MAP3K4: variants seen among roughly 807,000 people sequenced by gnomAD.
MAP3K4 encodes the protein mitogen-activated protein kinase kinase kinase 4.
Under a neutral mutation model 185.6 loss-of-function variants are expected in MAP3K4, and 67 were observed. That is an observed-to-expected ratio of 0.36 (90% CI 0.30 to 0.44). The LOEUF is 0.44. Among genes scored for constraint, MAP3K4 ranks in the 20% least tolerant of loss-of-function variants. The probability of loss-of-function intolerance (pLI) is 1.00; values close to 1 mark genes in which losing one functional copy is unlikely to be tolerated. For synonymous variants in MAP3K4, 702 were observed against 710.4 expected (o/e 0.99, Z 0.19); for missense variants, 1,551 against 1,995.1 (o/e 0.78, Z 4.24).
intron 1 of MAP3K4, among the ~76,000 whole-genome samples, chr6:161,015,823 A>G (rs1476451041): frequency 1.3e-5 from 2 of 152,182 alleles, no homozygotes; most frequent in Admixed American, 1.3e-4. Flanking sequence ...GTCTGCCTCC[A>G]TGACACCAGA....
At position 161,037,605 on chromosome 6, in the gene MAP3K4, A is replaced by G. The variant is rs1333481072; in HGVS notation, c.343+3156A>G. ...GACTAATTTTGTATTTTTGGTAGAGACGATGTTTCGCTATGTTGGCCAGGC... is the reference window on the plus strand; with the variant it reads ...GACTAATTTTGTATTTTTGGTAGAGGCGATGTTTCGCTATGTTGGCCAGGC... On this transcript the variant is annotated intron_variant, in intron 2 of 26. Coordinates refer to ENST00000392142, the MANE Select transcript of MAP3K4 (RefSeq NM_005922.4). This position sits in a 1 kb window ranked among gnomAD's most constrained non-coding sequence, Gnocchi z 4.2. 6.6e-6 allele frequency among the ~76,000 whole-genome samples: 1 copy of G among 151,980 alleles called. No individual in the cohort carries two copies. Among genetic ancestry groups the G allele is most frequent in the Non-Finnish European group, 1.5e-5 (1 of 68,006 alleles).
At position 161,077,636 on chromosome 6, in the gene MAP3K4, G is replaced by T. The variant is rs576475124; in HGVS notation, c.2098-3245G>T. Among the ~76,000 whole-genome samples, 1 of 152,156 alleles carries T rather than the reference G, an allele frequency of 6.6e-6. No homozygotes were observed. ...TGCACATGCAAGTCCTTGGATTAGAGGGGGTAACATACATTCAGAAAGAAG... is the reference window on the plus strand; with the variant it reads ...TGCACATGCAAGTCCTTGGATTAGATGGGGTAACATACATTCAGAAAGAAG... On this transcript the variant is annotated intron_variant, in intron 5 of 26. Transcript: ENST00000392142. This position sits in a 1 kb window ranked among gnomAD's most constrained non-coding sequence, Gnocchi z 4.3.
In MAP3K4 at chr6:161,106,376, T is replaced by G; in HGVS notation, c.3857-138T>G. 1.7e-6 allele frequency: 1 copy of G among 585,472 alleles called. No individual in the cohort carries two copies. The highest frequency in any genetic ancestry group is 3.0e-6 in the Non-Finnish European group (1 of 336,968). 36.3% of individuals were successfully genotyped at this position (585,472 alleles called of 1,614,324 possible). A position where few individuals can be genotyped will look rare whatever the true frequency, so the allele number is the denominator to read the frequency against. On this transcript the variant is annotated intron_variant, in intron 19 of 26. Transcript: ENST00000392142. This position sits in a 1 kb window ranked among gnomAD's most constrained non-coding sequence, Gnocchi z 4.9. The stretch of plus-strand genomic sequence containing the variant: ...AGCGTTTGAAGAACTTTAATTCACC[T>G]GCTGTTTATCTGAATAGATAATAAG...
chr6:161,111,823 CT>C lies in MAP3K4; in HGVS notation c.4397-9del, dbSNP rs35961625. 0.88 allele frequency: 1,411,886 copies of C among 1,612,760 alleles called. 618,975 individuals are homozygous for C. The highest frequency in any genetic ancestry group is 0.99 in the East Asian group (44,510 of 44,852). On this transcript the variant is annotated splice_polypyrimidine_tract_variant and intron_variant, in intron 23 of 26. Coordinates refer to ENST00000392142, the MANE Select transcript of MAP3K4 (RefSeq NM_005922.4). ...TTCAGAGGCTGCGTAACAACTACTT[CT>C]TTTCTTTTTAGGTGCCAATATCTTC...
chr6:161,044,527 C>G (rs2114748450), intron 2 of MAP3K4, among the ~76,000 whole-genome samples: 1 of 152,284 alleles, frequency 6.6e-6, no homozygotes, highest in Non-Finnish European at 1.5e-5. Flanking sequence ...TACCCCCGCA[C>G]CCAACACCCT....
chr6:161,087,884 G>T lies in MAP3K4; in HGVS notation c.2753G>T (p.Gly918Val), dbSNP rs1409625852. The T allele has an allele frequency of 6.2e-7, 1 of 1,614,138 alleles. No homozygotes were observed. Among genetic ancestry groups the T allele is most frequent in the South Asian group, 1.1e-5 (1 of 91,080 alleles). ...GCCCGTGATTCAGAGGACAGCTGGG[G>T]CACCTGGGAGGCACAGCCTGTCAAA... is the stretch of plus-strand genomic sequence containing the variant. The part of the protein sequence containing the change: ...DRARDSEDSW[G>V]TWEAQPVKVV... The change falls in exon 10 of 27, where the codon GGC (glycine) becomes GTC (valine). Residue 918 changes from glycine to valine, a missense_variant. This residue lies in a region of MAP3K4 where 261 missense variants were observed against 306.5 expected (regional missense o/e 0.85). Transcript: ENST00000392142. This position sits in a 1 kb window ranked among gnomAD's most constrained non-coding sequence, Gnocchi z 4.9.
At chr6:161,035,453 C>T (rs1324449663) in intron 2 of MAP3K4, among the ~76,000 whole-genome samples, 1 of 152,128 alleles carries the variant, frequency 6.6e-6, no homozygotes, top group East Asian at 1.9e-4. Flanking sequence ...AGCCCTTCCT[C>T]AAGAGAGCAG....
chr6:161,078,503 G>T (rs1489999743), intron 5 of MAP3K4, among the ~76,000 whole-genome samples: 3 of 152,230 alleles, frequency 2.0e-5, no homozygotes, highest in Non-Finnish European at 4.4e-5. Flanking sequence ...AGTGGACTGG[G>T]TTCCAGACAG....
chr6:161,034,571 A>AT lies in MAP3K4; in HGVS notation c.343+122_343+123insT. On this transcript the variant is annotated intron_variant, in intron 2 of 26. Coordinates refer to ENST00000392142, the MANE Select transcript of MAP3K4 (RefSeq NM_005922.4). The surrounding 1 kb of genome is among the most constrained non-coding windows in gnomAD (Gnocchi z 4.4). ...TGATTTTAATGCTCCTGTAAAGTTC[A>AT]ATTTTTTTTTGAATTATTACCATTA... 24 of 674,346 alleles carry AT rather than the reference A, an allele frequency of 3.6e-5. No homozygotes were observed. Among genetic ancestry groups the AT allele is most frequent in the South Asian group, 5.2e-5 (2 of 38,654 alleles). 41.8% of individuals were successfully genotyped at this position (674,346 alleles called of 1,614,324 possible). A position where few individuals can be genotyped will look rare whatever the true frequency, so the allele number is the denominator to read the frequency against.
At position 161,103,795 on chromosome 6, in the gene MAP3K4, T is replaced by C. The variant is rs529023197; in HGVS notation, c.3856+1016T>C. Among the ~76,000 whole-genome samples the C allele has an allele frequency of 1.3e-5, 2 of 152,200 alleles. No individual in the cohort carries two copies. The highest frequency in any genetic ancestry group is 6.5e-5 in the Admixed American group (1 of 15,284). On this transcript the variant is annotated intron_variant, in intron 19 of 26. Coordinates refer to ENST00000392142, the MANE Select transcript of MAP3K4 (RefSeq NM_005922.4). This position sits in a 1 kb window ranked among gnomAD's most constrained non-coding sequence, Gnocchi z 4.6. ...AGTGGGCAGATTGGTTAAAATGCCA[T>C]TGCAGAAATTCAGTATAAATAATAC... is the stretch of plus-strand genomic sequence containing the variant.
intron 4 of MAP3K4, among the ~76,000 whole-genome samples, chr6:161,072,518 A>G (rs1357914194): frequency 3.9e-5 from 6 of 152,182 alleles, no homozygotes; most frequent in South Asian, 2.1e-4. Flanking sequence ...GCACATCACA[A>G]TTTATTTGGT....
At chr6:161,042,327 A>G (rs780878372) in intron 2 of MAP3K4, among the ~76,000 whole-genome samples, 2 of 152,140 alleles carry the variant, frequency 1.3e-5, no homozygotes, top group Admixed American at 1.3e-4. Context: ...ATGATAGTTT[A>G]AAAAAAGGCA....
In MAP3K4 at chr6:161,098,138, C is replaced by G. The variant is rs1777653203; in HGVS notation, c.3525-140C>G. 1 of 1,056,096 alleles carries G rather than the reference C, an allele frequency of 9.5e-7. No homozygotes were observed. Among genetic ancestry groups the G allele is most frequent in the South Asian group, 1.6e-5 (1 of 61,812 alleles). 65.4% of individuals were successfully genotyped at this position (1,056,096 alleles called of 1,614,324 possible). On this transcript the variant is annotated intron_variant, in intron 16 of 26. Coordinates refer to ENST00000392142, the MANE Select transcript of MAP3K4 (RefSeq NM_005922.4). The surrounding 1 kb of genome is among the most constrained non-coding windows in gnomAD (Gnocchi z 4.4). Reference sequence around the variant, plus strand: ...GTTTTTTCTTTTTTACACCTAGACTCAAATCTCAAAGAACAATTTGCATTT... The same window carrying G: ...GTTTTTTCTTTTTTACACCTAGACTGAAATCTCAAAGAACAATTTGCATTT...
intron 1 of MAP3K4, among the ~76,000 whole-genome samples, chr6:161,030,228 C>T (rs1262053625): frequency 1.3e-5 from 2 of 151,948 alleles, no homozygotes; most frequent in African/African-American, 2.4e-5. Flanking sequence ...TTTATTTCTC[C>T]CAATCTTTTT....
intron 1 of MAP3K4, among the ~76,000 whole-genome samples, chr6:160,997,038 C>G (rs1299881780): frequency 6.6e-6 from 1 of 152,114 alleles, no homozygotes; most frequent in African/African-American, 2.4e-5. Context: ...ACAAACTTTC[C>G]TAAATTGTTT....
intron 1 of MAP3K4, among the ~76,000 whole-genome samples, chr6:161,009,629 C>T (rs1021967809): frequency 2.0e-5 from 3 of 152,196 alleles, no homozygotes; most frequent in African/African-American, 7.2e-5. Context: ...CTTCATTTAT[C>T]CATTCATCCA....
At position 161,098,475 on chromosome 6, in the gene MAP3K4, C is replaced by G. The variant is rs747424617; in HGVS notation, c.3674+48C>G. The G allele has an allele frequency of 1.3e-6, 2 of 1,570,874 alleles. No individual in the cohort carries two copies. The highest frequency in any genetic ancestry group is 2.7e-5 in the African/African-American group (2 of 73,842). The stretch of plus-strand genomic sequence containing the variant: ...CCGTACCCTCACCACCCCTTACATG[C>G]GCTTACACAGCAACCATAGTGTTAG... On this transcript the variant is annotated intron_variant, in intron 17 of 26. Coordinates refer to ENST00000392142, the MANE Select transcript of MAP3K4 (RefSeq NM_005922.4). The surrounding 1 kb of genome is among the most constrained non-coding windows in gnomAD (Gnocchi z 4.4).
chr6:161,106,475 C>T lies in MAP3K4; in HGVS notation c.3857-39C>T, dbSNP rs1778076858. 2 of 1,462,836 alleles carry T rather than the reference C, an allele frequency of 1.4e-6. No homozygotes were observed. The highest frequency in any genetic ancestry group is 2.3e-5 in the East Asian group (1 of 43,878). The allele number at this position is 1,462,836 out of a possible 1,614,324, so 90.6% of individuals were successfully genotyped here. A position where few individuals can be genotyped will look rare whatever the true frequency, so the allele number is the denominator to read the frequency against. On this transcript the variant is annotated intron_variant, in intron 19 of 26. Coordinates refer to ENST00000392142, the MANE Select transcript of MAP3K4 (RefSeq NM_005922.4). This position sits in a 1 kb window ranked among gnomAD's most constrained non-coding sequence, Gnocchi z 4.9. ...TGTCTTTTGGAAACTGACTTGATAA[C>T]AGTGATTGGGACTAATGAGGTTTTG...
intron 1 of MAP3K4, among the ~76,000 whole-genome samples, chr6:161,009,154 T>C (rs138276074): frequency 8.6e-4 from 131 of 152,172 alleles, no homozygotes; most frequent in African/African-American, 2.9e-3. Context: ...CCAGCTAATT[T>C]GTGTATTTTT....
Sources: gnomAD v4.1 joint callset for allele counts (sites outside exome capture counted in the v4.1 genomes callset) on GRCh38, gnomAD v4.1.1 for gene constraint, gnomAD v4.1.1 regional missense constraint, Gnocchi (gnomAD v3.1) non-coding constraint, MANE v1.5 for transcripts, NCBI Gene and HGNC (gene_info 2026-07-23, HGNC 2026-07-21) for gene names.